The following RNF115 variants were observed in gnomAD, a reference collection of about 807,000 sequenced individuals.
RNF115 encodes the protein E3 ubiquitin-protein ligase RNF115.
Under a neutral mutation model 39.2 loss-of-function variants are expected in RNF115, and 31 were observed. The observed-to-expected ratio is 0.79, with a 90% CI of 0.59 to 1.07. The LOEUF (loss-of-function observed/expected upper bound fraction) is 1.07, where lower values mean the gene tolerates loss of function less well. Ranked by LOEUF, RNF115 falls within the 50% of genes least tolerant of loss-of-function variation. RNF115 has a pLI of 0.00. For missense variants in RNF115, 384 were observed against 381.7 expected (o/e 1.01, Z -0.05); for synonymous variants, 124 against 131.0 (o/e 0.95, Z 0.37).
At chr1:145,791,404 C>T (rs1648660470) in intron 1 of RNF115, among the ~76,000 whole-genome samples, 1 of 148,318 alleles carries the variant, frequency 6.7e-6, no homozygotes, top group South Asian at 2.1e-4. Flanking sequence ...CCCAGCTACT[C>T]GAGAGGCTAA....
intron 4 of RNF115, among the ~76,000 whole-genome samples, chr1:145,764,566 G>A (rs1453832785): frequency 6.7e-6 from 1 of 150,098 alleles, no homozygotes; most frequent in Non-Finnish European, 1.5e-5. Flanking sequence ...CCGCCCGGCA[G>A]CCGCCCCGTC....
intron 1 of RNF115, among the ~76,000 whole-genome samples, chr1:145,814,442 G>A (rs1559133638): frequency 6.6e-6 from 1 of 151,884 alleles, no homozygotes; most frequent in Non-Finnish European, 1.5e-5. Flanking sequence ...AATTAGCCAG[G>A]CGTGGTGGCA....
intron 2 of RNF115, chr1:145,787,105 A>G (rs1553718183): frequency 3.0e-6 from 3 of 1,007,520 alleles, no homozygotes; most frequent in Non-Finnish European, 4.1e-6. Context: ...CTGCCATTAA[A>G]ATCTCCAAAG....
chr1:145,747,838 T>C (rs1657930895), intron 8 of RNF115, among the ~76,000 whole-genome samples, 157 bp downstream of exon 8: 1 of 152,170 alleles, frequency 6.6e-6, no homozygotes, highest in Non-Finnish European at 1.5e-5. Context: ...GAACATAGTT[T>C]GCAACCCTTG....
chr1:145,752,585 CT>C (rs60257682), intron 5 of RNF115, among the ~76,000 whole-genome samples: 22,537 of 83,014 alleles, frequency 0.27, 1,672 homozygotes, highest in Admixed American at 0.32. Flanking sequence ...CTATGCAGCT[CT>C]TTTTTTTTTT....
chr1:145,798,489 G>A (rs191867740), intron 1 of RNF115, among the ~76,000 whole-genome samples: 5 of 152,202 alleles, frequency 3.3e-5, no homozygotes, highest in Admixed American at 2.6e-4. Context: ...ATATGCAAGG[G>A]TTTATTTCTG....
chr1:145,758,861 A>G (rs1213543781), intron 4 of RNF115, among the ~76,000 whole-genome samples: 4 of 152,228 alleles, frequency 2.6e-5, no homozygotes, highest in Admixed American at 2.6e-4. Context: ...TCAGAGAACA[A>G]TAGTTGACAG....
intron 3 of RNF115, among the ~76,000 whole-genome samples, chr1:145,776,966 C>G (rs587686838): frequency 6.6e-6 from 1 of 152,312 alleles, no homozygotes; most frequent in Admixed American, 6.5e-5. Context: ...TATTAGAGAT[C>G]ACTGGTTTCT....
At chr1:145,801,225 T>C (rs1649229534) in intron 1 of RNF115, among the ~76,000 whole-genome samples, 1 of 152,176 alleles carries the variant, frequency 6.6e-6, no homozygotes, top group Admixed American at 6.5e-5. Context: ...TTGGTCTTTC[T>C]TGAATCCAAA....
chr1:145,748,024 T>C lies in RNF115; in HGVS notation c.754A>G (p.Ser252Gly). 2 of 1,613,624 alleles carry C rather than the reference T, an allele frequency of 1.2e-6. No individual in the cohort carries two copies. Among genetic ancestry groups the C allele is most frequent in the Non-Finnish European group, 1.7e-6 (2 of 1,179,534 alleles). The change falls in exon 8 of 9, where the codon AGC becomes GGC. Residue 252 changes from serine (S) to glycine (G), a missense_variant. Ser to Gly is a moderately conservative substitution (Grantham distance 56, BLOSUM62 0). Coordinates refer to ENST00000582693, the MANE Select transcript of RNF115 (RefSeq NM_014455.4). ...TCTAGCCACGGCACAATACAACTGCTGTGAAAGAAGTGATTGCAAGGTAAC... is the reference window on the plus strand; with the variant it reads ...TCTAGCCACGGCACAATACAACTGCCGTGAAAGAAGTGATTGCAAGGTAAC... ...RQLPCNHFFHSSCIVPWLELH... is the reference protein window; with the variant it reads ...RQLPCNHFFHGSCIVPWLELH...
At chr1:145,771,047 A>G (rs1647614334) in intron 4 of RNF115, among the ~76,000 whole-genome samples, 1 of 152,192 alleles carries the variant, frequency 6.6e-6, no homozygotes, top group African/African-American at 2.4e-5. Context: ...CTAATGCCTA[A>G]TATATTTGAT....
intron 3 of RNF115, among the ~76,000 whole-genome samples, chr1:145,776,947 G>A (rs1287045660): frequency 6.6e-6 from 1 of 152,082 alleles, no homozygotes; most frequent in African/African-American, 2.4e-5. Context: ...TCTAATTATA[G>A]TCTTCATCTA....
chr1:145,798,375 T>G (rs1053676610), intron 1 of RNF115, among the ~76,000 whole-genome samples: 11 of 152,198 alleles, frequency 7.2e-5, no homozygotes, highest in Non-Finnish European at 1.2e-4. Context: ...TCCAAATTTT[T>G]GTTTTGTATG....
chr1:145,818,166 GAAATCA>G lies in RNF115; in HGVS notation c.102+5600_102+5605del, dbSNP rs1305720111. Among the ~76,000 whole-genome samples the G allele has an allele frequency of 5.9e-5, 9 of 151,980 alleles. No individual in the cohort carries two copies. The East Asian group carries it at 1.7e-3, about 29-fold the overall frequency. ...GGTAGTTCCGTTTTAAGTTCTTTGG[GAAATCA>G]AACTGCCTTCCACAGTGGCTGAACT... On this transcript the variant is annotated intron_variant, in intron 1 of 8. Coordinates refer to ENST00000582693, the MANE Select transcript of RNF115 (RefSeq NM_014455.4).
At chr1:145,819,891 A>T (rs1219485734) in intron 1 of RNF115, among the ~76,000 whole-genome samples, 1 of 152,168 alleles carries the variant, frequency 6.6e-6, no homozygotes, top group South Asian at 2.1e-4. Flanking sequence ...TACAAAAATT[A>T]GCCAGGTCTA....
At chr1:145,772,973 A>C (rs113089932) in intron 3 of RNF115, 1 of 152,142 alleles carries the variant, frequency 6.6e-6, no homozygotes, top group East Asian at 1.9e-4. Context: ...CTGTCTGCTC[A>C]TATCTTTTGT....
intron 1 of RNF115, among the ~76,000 whole-genome samples, chr1:145,803,552 C>A (rs1649341477): frequency 6.6e-6 from 1 of 152,128 alleles, no homozygotes; most frequent in South Asian, 2.1e-4. Context: ...TTATGCCCAG[C>A]TAATTTTTGT....
At chr1:145,759,059 A>G (rs374893581) in intron 4 of RNF115, among the ~76,000 whole-genome samples, 2 of 152,174 alleles carry the variant, frequency 1.3e-5, no homozygotes, top group African/African-American at 2.4e-5. Context: ...GTCTTCACAT[A>G]GTTTCCAGAG....
rs961939955 is a variant in RNF115, at chr1:145,743,958, C to T, written c.*2908G>A. The T allele has an allele frequency of 6.6e-6, 1 of 152,470 alleles. No individual in the cohort carries two copies. The highest frequency in any genetic ancestry group is 2.4e-5 in the African/African-American group (1 of 41,496). 9.4% of individuals were successfully genotyped at this position (152,470 alleles called of 1,614,324 possible). A position where few individuals can be genotyped will look rare whatever the true frequency, so the allele number is the denominator to read the frequency against. On this transcript the variant is annotated 3_prime_UTR_variant, in exon 9 of 9. Coordinates refer to ENST00000582693, the MANE Select transcript of RNF115 (RefSeq NM_014455.4). Reference sequence around the variant, plus strand: ...AGGTCTGGGAAACAGTAAAATGAGTCTCACATCCTCTATCCACCAGAGCAA... The same window carrying T: ...AGGTCTGGGAAACAGTAAAATGAGTTTCACATCCTCTATCCACCAGAGCAA...
Sources: allele counts gnomAD v4.1 joint callset (sites outside exome capture counted in the v4.1 genomes callset), GRCh38; gene constraint gnomAD v4.1.1; transcripts MANE v1.5; gene names NCBI Gene and HGNC (gene_info 2026-07-23, HGNC 2026-07-21).